The following CORO2B variants were observed in gnomAD, a reference collection of about 807,000 sequenced individuals.
The protein encoded by CORO2B is coronin 2B.
A neutral mutation model predicts 58.8 loss-of-function variants in CORO2B; 26 were observed. The ratio of observed to expected loss-of-function variants is 0.44; its 90% CI spans 0.32 to 0.61. The LOEUF is 0.61. CORO2B is among the 20% of genes least tolerant of loss of function. The pLI, the probability that CORO2B is intolerant of heterozygous loss-of-function variation, is 0.04. For synonymous variants in CORO2B, 242 were observed against 253.8 expected, an observed-to-expected ratio of 0.95 and a Z score of 0.44; for missense variants, 460 against 645.1, an observed-to-expected ratio of 0.71 and a Z score of 3.11.
At chr15:68,696,557 C>CAAAAAAAAAAA (rs3985628) in intron 3 of CORO2B, among the ~76,000 whole-genome samples, 1 of 110,046 alleles carries the variant, frequency 9.1e-6, no homozygotes, top group Non-Finnish European at 1.8e-5. Context: ...GACTCTGCCT[C>CAAAAAAAAAAA]AAAAAAAAAA....
intron 9 of CORO2B, 99 bp downstream of exon 9, chr15:68,718,909 T>C (rs1245551947): frequency 2.7e-6 from 3 of 1,095,172 alleles, no homozygotes; most frequent in Non-Finnish European, 4.1e-6. Flanking sequence ...GTGAGAGATG[T>C]GCTGTGAACT....
the CORO2B span, among the ~76,000 whole-genome samples, chr15:68,555,168 A>G: frequency 7.7e-3 from 1,176 of 152,230 alleles, 7 homozygotes; most frequent in Non-Finnish European, 0.011. Flanking sequence ...CTGAATGAGG[A>G]GGTGTGATGC....
chr15:68,616,684 C>T, intron 1 of CORO2B: 1 of 924,834 alleles, frequency 1.1e-6, no homozygotes, highest in African/African-American at 1.8e-5. Context: ...GCGAGATCTC[C>T]CATGGGCGAG....
At chr15:68,662,056 G>T (rs979980326) in intron 2 of CORO2B, among the ~76,000 whole-genome samples, 2 of 151,960 alleles carry the variant, frequency 1.3e-5, no homozygotes, top group African/African-American at 4.8e-5. Context: ...ATCTGTTTAG[G>T]CAGATGTCCT....
intron 2 of CORO2B, among the ~76,000 whole-genome samples, chr15:68,673,726 A>G (rs993344721): frequency 2.6e-5 from 4 of 151,162 alleles, no homozygotes; most frequent in Non-Finnish European, 4.4e-5. Context: ...AATCCCAGCT[A>G]CTCAGGAGGC....
chr15:68,568,788 TG>T, the CORO2B span, among the ~76,000 whole-genome samples: 1 of 151,944 alleles, frequency 6.6e-6, no homozygotes, highest in Non-Finnish European at 1.5e-5. Context: ...TGGGAACACA[TG>T]GACACAGGGA....
chr15:68,592,938 C>G (rs978646491), intron 1 of CORO2B, among the ~76,000 whole-genome samples: 1 of 152,188 alleles, frequency 6.6e-6, no homozygotes, highest in Non-Finnish European at 1.5e-5. Context: ...ATACCGCAGA[C>G]TGGGTAGTTT....
intron 2 of CORO2B, among the ~76,000 whole-genome samples, chr15:68,658,948 G>A (rs564882732): frequency 9.0e-4 from 137 of 152,300 alleles, no homozygotes; most frequent in South Asian, 6.0e-3. Context: ...CCTTTGCCCC[G>A]GCTGTTTCTC....
rs140738691 is a variant in CORO2B at position 68,700,481 on chromosome 15, G to T, written c.333+5225G>T. On this transcript the variant is annotated intron_variant, in intron 3 of 11. Transcript: ENST00000261861. ...GCAACCTCCAGTGAAATCAATCCCC[G>T]TCCCCCAGGATCCGTTTCCCCTCCC... Among the ~76,000 whole-genome samples the T allele has an allele frequency of 2.6e-5, 4 of 152,090 alleles. No individual in the cohort carries two copies. The East Asian group carries it at 7.7e-4, about 29-fold the overall frequency.
At chr15:68,531,614 G>A in the CORO2B span, among the ~76,000 whole-genome samples, 1 of 141,178 alleles carries the variant, frequency 7.1e-6, no homozygotes, top group Non-Finnish European at 1.5e-5. Flanking sequence ...AGGAAGGGAA[G>A]GAGAGAGAGA....
Position 68,711,638 on chromosome 15 carries a change from C to T in CORO2B, c.580C>T (p.Leu194=), listed in dbSNP as rs776290783. Residue 194 remains leucine (L), a synonymous_variant, in exon 5 of 12, where the codon CTG becomes TTG. Coordinates refer to ENST00000261861, the MANE Select transcript of CORO2B (RefSeq NM_006091.5). ...CATGTCCTTCAACACGGACGGCAGC[C>T]TGCTCACCACCACGTGCAAGGACAA... ...LCMSFNTDGS[L]LTTTCKDKKL... The T allele has an allele frequency of 1.2e-5, 20 of 1,614,134 alleles. No individual in the cohort carries two copies. The highest frequency in any genetic ancestry group is 1.7e-5 in the Non-Finnish European group (20 of 1,179,992).
chr15:68,598,382 C>T (rs527822575), intron 1 of CORO2B, among the ~76,000 whole-genome samples: 48 of 152,226 alleles, frequency 3.2e-4, no homozygotes, highest in Middle Eastern at 6.3e-3. Context: ...ATGGGAAGTT[C>T]TGCTGTCTCT....
intron 1 of CORO2B, among the ~76,000 whole-genome samples, chr15:68,605,113 C>T (rs957896374): frequency 7.8e-5 from 11 of 140,256 alleles, no homozygotes; most frequent in Non-Finnish European, 1.5e-4. Context: ...GACTCCGTCT[C>T]AAGGAAAAAA....
chr15:68,646,332 C>T (rs1055583579), intron 2 of CORO2B, among the ~76,000 whole-genome samples: 4 of 152,166 alleles, frequency 2.6e-5, no homozygotes, highest in African/African-American at 7.2e-5. Flanking sequence ...CTGAGTTCCC[C>T]CTTCCCAGCC....
intron 1 of CORO2B, among the ~76,000 whole-genome samples, chr15:68,587,448 T>C (rs1277713817): frequency 3.3e-5 from 5 of 152,176 alleles, no homozygotes; most frequent in Admixed American, 3.3e-4. Flanking sequence ...ACTCCGGAGA[T>C]GTCTGAGGTC....
intron 1 of CORO2B, among the ~76,000 whole-genome samples, chr15:68,637,411 C>A (rs1230703538): frequency 6.6e-6 from 1 of 152,206 alleles, no homozygotes; most frequent in Non-Finnish European, 1.5e-5. Context: ...GATCAGCTCT[C>A]GCTCACGACC....
At chr15:68,607,135 G>A (rs1022238129) in intron 1 of CORO2B, among the ~76,000 whole-genome samples, 2 of 152,120 alleles carry the variant, frequency 1.3e-5, no homozygotes, top group Non-Finnish European at 2.9e-5. Flanking sequence ...GCACAGAGGG[G>A]ATAGTTTGTC....
At chr15:68,650,414 A>C (rs898271271) in intron 2 of CORO2B, among the ~76,000 whole-genome samples, 2 of 138,784 alleles carry the variant, frequency 1.4e-5, no homozygotes, top group Non-Finnish European at 3.1e-5. Context: ...AAATGGAGAC[A>C]TTCCTGGCCA....
At chr15:68,587,165 C>T (rs1899588063) in intron 1 of CORO2B, among the ~76,000 whole-genome samples, 1 of 151,744 alleles carries the variant, frequency 6.6e-6, no homozygotes, top group African/African-American at 2.4e-5. Flanking sequence ...GGCAGGAGAT[C>T]ATCCTGGGCA....
Sources: gnomAD v4.1 joint callset for allele counts (sites outside exome capture counted in the v4.1 genomes callset) on GRCh38, gnomAD v4.1.1 for gene constraint, MANE v1.5 for transcripts, NCBI Gene and HGNC (gene_info 2026-07-23, HGNC 2026-07-21) for gene names.